The following HECW2 variants were observed in gnomAD, a reference collection of about 807,000 sequenced individuals.
The protein encoded by HECW2 is HECT, C2 and WW domain containing E3 ubiquitin protein ligase 2, also known as E3 ubiquitin-protein ligase HECW2.
A neutral mutation model predicts 175.2 loss-of-function variants in HECW2; 61 were observed. The observed-to-expected ratio is 0.35, with a 90% confidence interval of 0.28 to 0.43. HECW2 has a LOEUF of 0.43. Ranked by LOEUF, HECW2 falls within the 20% of genes least tolerant of loss-of-function variation. The probability of loss-of-function intolerance (pLI) is 1.00; values close to 1 mark genes in which losing one functional copy is unlikely to be tolerated. For synonymous variants in HECW2, 671 were observed against 731.0 expected (o/e 0.92, Z 1.32); for missense variants, 1,524 against 2,000.5 (o/e 0.76, Z 4.54).
chr2:196,558,545 T>C (rs1020484057), intron 1 of HECW2, among the ~76,000 whole-genome samples: 4 of 152,260 alleles, frequency 2.6e-5, no homozygotes, highest in Admixed American at 6.5e-5. Context: ...CTGCAACCAT[T>C]TGAACGTGAT....
At chr2:196,286,528 G>T (rs781502297) in intron 14 of HECW2, among the ~76,000 whole-genome samples, 3 of 151,964 alleles carry the variant, frequency 2.0e-5, no homozygotes, top group Admixed American at 6.6e-5. Flanking sequence ...TCATAAAACC[G>T]ATCTCTGCTC....
chr2:196,529,631 T>A (rs1350512607), intron 1 of HECW2, among the ~76,000 whole-genome samples: 5 of 152,222 alleles, frequency 3.3e-5, no homozygotes, highest in African/African-American at 4.8e-5. Context: ...GTGCTCATGT[T>A]CATCCATACT....
intron 1 of HECW2, among the ~76,000 whole-genome samples, chr2:196,483,682 G>T (rs1189044203): frequency 6.6e-6 from 1 of 152,120 alleles, no homozygotes; most frequent in African/African-American, 2.4e-5. Flanking sequence ...AAGAAATACA[G>T]GGGACAAGGA....
intron 1 of HECW2, among the ~76,000 whole-genome samples, chr2:196,441,151 T>C (rs1329221716): frequency 2.0e-5 from 3 of 152,194 alleles, no homozygotes; most frequent in Non-Finnish European, 2.9e-5. Flanking sequence ...GTGTTTTTTA[T>C]TGAAAATAGT....
intron 1 of HECW2, among the ~76,000 whole-genome samples, chr2:196,562,136 T>G (rs13395205): frequency 6.6e-6 from 1 of 152,034 alleles, no homozygotes; most frequent in South Asian, 2.1e-4. Flanking sequence ...TGAATAGATT[T>G]GCAGGTGGTT....
At chr2:196,267,305 A>T (rs1395707347) in intron 17 of HECW2, among the ~76,000 whole-genome samples, 3 of 152,246 alleles carry the variant, frequency 2.0e-5, no homozygotes, top group Admixed American at 1.3e-4. Context: ...TTCACCTATA[A>T]AATACTGTTA....
intron 14 of HECW2, chr2:196,289,382 A>C (rs1408201108): frequency 6.6e-6 from 1 of 152,226 alleles, no homozygotes; most frequent in Non-Finnish European, 1.5e-5. Context: ...TTCTAGAAGC[A>C]CAGCAACTCA....
At chr2:196,489,814 C>T (rs1687125233) in intron 1 of HECW2, among the ~76,000 whole-genome samples, 1 of 152,172 alleles carries the variant, frequency 6.6e-6, no homozygotes, top group South Asian at 2.1e-4. Flanking sequence ...CTTTAGCCTC[C>T]ATTATCATAT....
At chr2:196,247,514 A>T (rs79409575) in intron 19 of HECW2, among the ~76,000 whole-genome samples, 3,356 of 152,242 alleles carry the variant, frequency 0.022, 125 homozygotes, top group African/African-American at 0.077. Flanking sequence ...CAAAAGATCA[A>T]TGTTACATCA....
In HECW2 at chr2:196,394,165, G is replaced by C. The variant is rs371894301; in HGVS notation, c.292+38967C>G. ...CCTGTCCGGGGGTGAGGGGGGAGAG[G>C]GGGGAGGGATAGCATTAGGAGATAT... On this transcript the variant is annotated intron_variant, in intron 2 of 28. Coordinates refer to ENST00000644978, the MANE Select transcript of HECW2 (RefSeq NM_001348768.2). Among the ~76,000 whole-genome samples, 11 of 151,812 alleles carry C rather than the reference G, an allele frequency of 7.2e-5. No individual in the cohort carries two copies. In the East Asian group the frequency reaches 9.7e-4, roughly 13 times the overall value.
intron 27 of HECW2, 37 bp downstream of exon 27, chr2:196,216,971 A>G: frequency 7.6e-7 from 1 of 1,310,816 alleles, no homozygotes; most frequent in East Asian, 2.7e-5. Context: ...CAATAATCAT[A>G]TTGATACATT....
intron 1 of HECW2, among the ~76,000 whole-genome samples, chr2:196,562,142 T>A (rs1285191791): frequency 2.0e-5 from 3 of 152,132 alleles, no homozygotes; most frequent in Non-Finnish European, 4.4e-5. Flanking sequence ...GATTTGCAGG[T>A]GGTTAAGCAG....
chr2:196,294,532 T>C (rs142022699), intron 13 of HECW2, among the ~76,000 whole-genome samples: 1 of 152,318 alleles, frequency 6.6e-6, no homozygotes, highest in East Asian at 1.9e-4. Flanking sequence ...TTGTTATCTA[T>C]TTTAGTCTAA....
intron 1 of HECW2, among the ~76,000 whole-genome samples, chr2:196,586,342 A>G (rs1224470534): frequency 6.6e-6 from 1 of 152,174 alleles, no homozygotes; most frequent in Admixed American, 6.5e-5. Context: ...ATATAACACA[A>G]ATCATTTCTA....
intron 5 of HECW2, among the ~76,000 whole-genome samples, chr2:196,328,312 T>C (rs1692229628): frequency 6.6e-6 from 1 of 152,182 alleles, no homozygotes; most frequent in South Asian, 2.1e-4. Flanking sequence ...TTAGTGCCCT[T>C]CTGCAAACCT....
intron 2 of HECW2, among the ~76,000 whole-genome samples, chr2:196,422,131 A>G (rs185820109): frequency 6.1e-4 from 93 of 152,278 alleles, no homozygotes; most frequent in Non-Finnish European, 1.2e-3. Flanking sequence ...TGCAAAGTGT[A>G]TTCCAAAGTA....
intron 28 of HECW2, among the ~76,000 whole-genome samples, chr2:196,204,139 C>G (rs546379242): frequency 1.3e-5 from 2 of 152,180 alleles, no homozygotes; most frequent in African/African-American, 2.4e-5. Context: ...TACCGTTTGG[C>G]TATTGTAAAT....
intron 1 of HECW2, among the ~76,000 whole-genome samples, chr2:196,530,485 C>T (rs1052546267): frequency 6.6e-6 from 1 of 152,188 alleles, no homozygotes; most frequent in African/African-American, 2.4e-5. Flanking sequence ...ACCTTCCAGC[C>T]TTCCATCTTG....
chr2:196,366,119 A>G (rs759359582), intron 2 of HECW2, among the ~76,000 whole-genome samples: 2 of 152,212 alleles, frequency 1.3e-5, no homozygotes, highest in African/African-American at 4.8e-5. Context: ...TAGCCCCTAG[A>G]TGAGGAAACT....
Sources: gnomAD v4.1 joint callset for allele counts (sites outside exome capture counted in the v4.1 genomes callset) on GRCh38, gnomAD v4.1.1 for gene constraint, MANE v1.5 for transcripts, NCBI Gene and HGNC (gene_info 2026-07-23, HGNC 2026-07-21) for gene names.